Variants in UGT2B11 observed in about 807,000 individuals in gnomAD.
UGT2B11 encodes the protein UDP glucuronosyltransferase family 2 member B11.
A neutral mutation model predicts 51.7 loss-of-function variants in UGT2B11; 49 were observed. The ratio of observed to expected loss-of-function variants is 0.95; its 90% CI spans 0.75 to 1.20. UGT2B11 has a LOEUF of 1.20. Among genes scored for constraint, UGT2B11 ranks in the 50% most tolerant of loss-of-function variants. The pLI is 0.00. For synonymous variants in UGT2B11, 273 were observed against 209.0 expected, an observed-to-expected ratio of 1.31 and a Z score of -2.64; for missense variants, 810 against 622.1, an observed-to-expected ratio of 1.30 and a Z score of -3.21.
At position 69,203,869 on chromosome 4, in the gene UGT2B11, T is replaced by C. The variant is rs543880873; in HGVS notation, c.1310+561A>G. ...GTTATGAGAAGTGATTTTGGTGTCATTGCAGTTTCTTTTGTGTTGATAAAA... is the reference window on the plus strand; with the variant it reads ...GTTATGAGAAGTGATTTTGGTGTCACTGCAGTTTCTTTTGTGTTGATAAAA... On this transcript the variant is annotated intron_variant, in intron 5 of 5. Transcript: ENST00000446444. 2.4e-4 allele frequency among the ~76,000 whole-genome samples: 36 copies of C among 151,724 alleles called. No homozygotes were observed. In the South Asian group the frequency reaches 7.5e-3, roughly 31 times the overall value.
At chr4:69,217,380 T>A (rs1722300320), upstream of UGT2B11, among the ~76,000 whole-genome samples, 1 of 152,166 alleles carries the variant, frequency 6.6e-6, no homozygotes, top group South Asian at 2.1e-4. Context: ...CAAAAGGATG[T>A]TGGAACACAG....
chr4:69,201,263 C>T (rs1345675584), intron 5 of UGT2B11: 3 of 151,880 alleles, frequency 2.0e-5, no homozygotes, highest in African/African-American at 7.3e-5. Flanking sequence ...TCTGTAAGTT[C>T]CTAAAAAGGA....
the UGT2B11 span, among the ~76,000 whole-genome samples, chr4:69,220,901 G>T: frequency 6.6e-6 from 1 of 152,164 alleles, no homozygotes; most frequent in Admixed American, 6.5e-5. Flanking sequence ...GGCTTTGTAG[G>T]GTCACTAGAG....
At chr4:69,224,232 C>T in the UGT2B11 span, among the ~76,000 whole-genome samples, 4 of 152,086 alleles carry the variant, frequency 2.6e-5, no homozygotes, top group Non-Finnish European at 5.9e-5. Flanking sequence ...GACATTAGGA[C>T]CCAGGAGGAA....
chr4:69,218,159 T>C (rs1722322607), upstream of UGT2B11, among the ~76,000 whole-genome samples: 1 of 152,272 alleles, frequency 6.6e-6, no homozygotes, highest in South Asian at 2.1e-4. Context: ...TTATTTTCAA[T>C]AAAACTCCCA....
chr4:69,212,953 T>G (rs1161964065), intron 1 of UGT2B11, among the ~76,000 whole-genome samples: 1 of 151,342 alleles, frequency 6.6e-6, no homozygotes, highest in Non-Finnish European at 1.5e-5. Context: ...ACATCTCTAA[T>G]GTCAAGTCAG....
At chr4:69,215,481 T>C (rs191800053), upstream of UGT2B11, 61 of 152,144 alleles carry the variant, frequency 4.0e-4, 1 homozygote, top group African/African-American at 1.4e-3. Context: ...TATTGCCAAA[T>C]TGTATCAGAT....
intron 2 of UGT2B11, among the ~76,000 whole-genome samples, chr4:69,211,683 C>T (rs188718523): frequency 2.0e-5 from 3 of 151,636 alleles, no homozygotes; most frequent in East Asian, 1.9e-4. Context: ...TTTCTATCAA[C>T]ATTCTAGTCC....
chr4:69,205,302 G>T (rs1397060730), intron 4 of UGT2B11, among the ~76,000 whole-genome samples, 178 bp downstream of exon 4: 1 of 151,746 alleles, frequency 6.6e-6, no homozygotes, highest in Admixed American at 6.6e-5. Context: ...CATAAAGAAT[G>T]TGATTATATA....
At chr4:69,217,426 T>G (rs1722301921), upstream of UGT2B11, among the ~76,000 whole-genome samples, 1 of 152,124 alleles carries the variant, frequency 6.6e-6, no homozygotes, top group South Asian at 2.1e-4. Context: ...GTGGCAATAT[T>G]GTTCAATATT....
intron 2 of UGT2B11, among the ~76,000 whole-genome samples, chr4:69,210,484 T>C (rs1722019835): frequency 6.6e-6 from 1 of 151,638 alleles, no homozygotes; most frequent in Non-Finnish European, 1.5e-5. Context: ...AACAGTTAAA[T>C]AGCTGGTTTC....
chr4:69,210,450 G>A (rs1286073736), intron 2 of UGT2B11, among the ~76,000 whole-genome samples: 2 of 151,358 alleles, frequency 1.3e-5, no homozygotes, highest in Admixed American at 6.6e-5. Context: ...ATGCAACCTG[G>A]GTTAGCAATT....
rs1398863267 is a variant in UGT2B11, at chr4:69,212,738, A to G, written c.722-17T>C. 1.3e-6 allele frequency: 2 copies of G among 1,592,190 alleles called. No homozygotes were observed. Among genetic ancestry groups the G allele is most frequent in the Non-Finnish European group, 1.7e-6 (2 of 1,173,484 alleles). ...TGGGTCTTCCTGACAGGAATAAAGA[A>G]AAGAAAAAGTGGATGATGTAAGATA... On this transcript the variant is annotated splice_polypyrimidine_tract_variant and intron_variant, in intron 1 of 5. Transcript: ENST00000446444.
the UGT2B11 span, among the ~76,000 whole-genome samples, chr4:69,223,358 C>T: frequency 6.6e-6 from 1 of 152,154 alleles, no homozygotes; most frequent in Non-Finnish European, 1.5e-5. Flanking sequence ...CTTAGGGCGT[C>T]CCCCACAGGT....
At chr4:69,219,979 T>A in the UGT2B11 span, among the ~76,000 whole-genome samples, 7,274 of 152,200 alleles carry the variant, frequency 0.048, 213 homozygotes, top group South Asian at 0.13. Context: ...CAGAGTCTCA[T>A]CTGAGATAAG....
upstream of UGT2B11, chr4:69,216,465 G>C (rs1390856126): frequency 6.6e-6 from 1 of 151,720 alleles, no homozygotes; most frequent in Non-Finnish European, 1.5e-5. Flanking sequence ...GATGGAAGCT[G>C]AAGGTGACAA....
Position 69,205,415 on chromosome 4 carries a change from A to G in UGT2B11, c.1090+65T>C, listed in dbSNP as rs549254531. On this transcript the variant is annotated intron_variant, in intron 4 of 5. Transcript: ENST00000446444. ...TTCCTATAACAAATATTCAATAAGC[A>G]TGTTTCATTAACCCTCTAATGTGCA... 62 of 1,556,478 alleles carry G rather than the reference A, an allele frequency of 4.0e-5. No homozygotes were observed. In the African/African-American group the frequency reaches 7.3e-4, roughly 18 times the overall value.
upstream of UGT2B11, chr4:69,216,241 GT>G (rs1722270335): frequency 6.6e-6 from 1 of 151,992 alleles, no homozygotes; most frequent in Non-Finnish European, 1.5e-5. Context: ...TAATTTTCTT[GT>G]TCAAAACAGC....
intron 5 of UGT2B11, 166 bp downstream of exon 5, chr4:69,204,264 C>T (rs553246601): frequency 1.5e-4 from 173 of 1,173,988 alleles, no homozygotes; most frequent in Non-Finnish European, 1.9e-4. Flanking sequence ...GATTCAAACA[C>T]AATTTTTAAA....
Sources: allele counts gnomAD v4.1 joint callset (sites outside exome capture counted in the v4.1 genomes callset), GRCh38; gene constraint gnomAD v4.1.1; transcripts MANE v1.5; gene names NCBI Gene and HGNC (gene_info 2026-07-23, HGNC 2026-07-21).